VPS13A: variants seen among roughly 807,000 people sequenced by gnomAD.
VPS13A encodes the protein intermembrane lipid transfer protein VPS13A.
In VPS13A, 264 loss-of-function variants were observed where a neutral mutation model predicts 390.9. The ratio of observed to expected loss-of-function variants is 0.68; its 90% CI spans 0.61 to 0.75. The LOEUF is 0.75. Among genes scored for constraint, VPS13A ranks in the 30% least tolerant of loss-of-function variants. The pLI is 0.00. For synonymous variants in VPS13A, 1,231 were observed against 1,227.1 expected (o/e 1.00, Z -0.07); for missense variants, 3,409 against 3,733.9 (o/e 0.91, Z 2.27).
At chr9:77,203,685 T>C (rs1825466774) in intron 3 of VPS13A, among the ~76,000 whole-genome samples, 1 of 152,254 alleles carries the variant, frequency 6.6e-6, no homozygotes, top group Non-Finnish European at 1.5e-5. Flanking sequence ...TTTGTCCTTT[T>C]GTTCATTTAC....
intron 1 of VPS13A, among the ~76,000 whole-genome samples, chr9:77,189,515 A>G (rs1420443591): frequency 6.6e-6 from 1 of 152,066 alleles, no homozygotes; most frequent in African/African-American, 2.4e-5. Context: ...CTTTTAGTAT[A>G]GGTTGAAGTC....
At chr9:77,186,440 G>T (rs1243143852) in intron 1 of VPS13A, among the ~76,000 whole-genome samples, 1 of 151,460 alleles carries the variant, frequency 6.6e-6, no homozygotes, top group Admixed American at 6.6e-5. Flanking sequence ...TTATTTATTT[G>T]TTTTTTTTAA....
chr9:77,398,149 A>T (rs560860659), intron 68 of VPS13A, among the ~76,000 whole-genome samples: 7 of 152,158 alleles, frequency 4.6e-5, no homozygotes, highest in African/African-American at 1.7e-4. Flanking sequence ...TTTTGACACT[A>T]AATTATTTGA....
intron 33 of VPS13A, among the ~76,000 whole-genome samples, chr9:77,301,556 A>C (rs1455685904): frequency 1.3e-5 from 2 of 152,168 alleles, no homozygotes; most frequent in Non-Finnish European, 2.9e-5. Context: ...TGATTGCCAA[A>C]ATTCTACAGT....
intron 10 of VPS13A, among the ~76,000 whole-genome samples, chr9:77,215,872 C>T (rs1205566301): frequency 6.6e-6 from 1 of 152,198 alleles, no homozygotes; most frequent in Admixed American, 6.5e-5. Flanking sequence ...GGAGGGGTGT[C>T]TCTCTGAATG....
intron 34 of VPS13A, among the ~76,000 whole-genome samples, chr9:77,305,885 T>A (rs1013212952): frequency 3.3e-5 from 5 of 152,196 alleles, no homozygotes; most frequent in Non-Finnish European, 7.4e-5. Flanking sequence ...ATACTGCAGA[T>A]CAGCAGCCCC....
chr9:77,206,091 A>C lies in VPS13A; in HGVS notation c.385+12A>C. The C allele has an allele frequency of 6.7e-7, 1 of 1,493,104 alleles. No homozygotes were observed. Among genetic ancestry groups the C allele is most frequent in the Non-Finnish European group, 9.1e-7 (1 of 1,102,240 alleles). The allele number at this position is 1,493,104 out of a possible 1,614,324, so 92.5% of individuals were successfully genotyped here. ...AGTAGTTGATCAAGGTAAAGAAAAC[A>C]GTAAATAACAATGCTAATAAGAGAA... On this transcript the variant is annotated intron_variant, in intron 5 of 71. Coordinates refer to ENST00000360280, the MANE Select transcript of VPS13A (RefSeq NM_033305.3).
Position 77,371,011 on chromosome 9 carries a change from CTT to C in VPS13A, c.8954-10_8954-9del, listed in dbSNP as rs761096914. 7 of 1,614,044 alleles carry C rather than the reference CTT, an allele frequency of 4.3e-6. No individual in the cohort carries two copies. Among genetic ancestry groups the C allele is most frequent in the Non-Finnish European group, 5.9e-6 (7 of 1,179,970 alleles). ...TTCTTGGATGCAATTGTCAAAAACT[CTT>C]TTTTCTTTCCAGGAGCTCAAAAAGG... On this transcript the variant is annotated splice_polypyrimidine_tract_variant and intron_variant, in intron 66 of 71. Coordinates refer to ENST00000360280, the MANE Select transcript of VPS13A (RefSeq NM_033305.3).
intron 1 of VPS13A, among the ~76,000 whole-genome samples, chr9:77,181,293 A>G (rs1824000370): frequency 6.6e-6 from 1 of 151,862 alleles, no homozygotes; most frequent in Non-Finnish European, 1.5e-5. Context: ...GAGACTGGGG[A>G]GGGTGGATCA....
At chr9:77,302,439 C>G (rs1259535473) in intron 33 of VPS13A, among the ~76,000 whole-genome samples, 2 of 128,430 alleles carry the variant, frequency 1.6e-5, no homozygotes, top group Non-Finnish European at 3.1e-5. Context: ...GTGGTGCGAT[C>G]TCGGCTCACT....
intron 17 of VPS13A, among the ~76,000 whole-genome samples, chr9:77,230,887 G>A (rs1470180079): frequency 6.6e-6 from 1 of 151,982 alleles, no homozygotes; most frequent in Admixed American, 6.5e-5. Context: ...ATGCACATTG[G>A]ATATCTTTTC....
Position 77,351,378 on chromosome 9 carries a change from G to A in VPS13A, c.7351G>A (p.Asp2451Asn). 1 of 1,614,036 alleles carries A rather than the reference G, an allele frequency of 6.2e-7. No individual in the cohort carries two copies. Among genetic ancestry groups the A allele is most frequent in the Non-Finnish European group, 8.5e-7 (1 of 1,179,956 alleles). The change falls in exon 53 of 72, where the codon GAT (aspartate) becomes AAT (asparagine). Residue 2451 changes from aspartate to asparagine, a missense_variant. Around this residue, in one of 5 missense-constraint regions of VPS13A, gnomAD observed 2,717 missense variants for 2,917.4 expected, o/e 0.93. Transcript: ENST00000360280. ...TAAAGCCGTGTTTTATACATGGGCT[G>A]ATCCGGTGGGCTCTAGAAGGCTGAA... ...PGKAVFYTWA[D>N]PVGSRRLKWR...
chr9:77,239,086 G>A (rs931231880), intron 19 of VPS13A, among the ~76,000 whole-genome samples: 9 of 148,502 alleles, frequency 6.1e-5, no homozygotes, highest in African/African-American at 2.2e-4. Flanking sequence ...TTCCCCTTTT[G>A]TCACCTTGTT....
rs775740043 is a variant in VPS13A at position 77,238,425 on chromosome 9, A to G, written c.1900+39A>G. The G allele has an allele frequency of 5.7e-6, 8 of 1,404,762 alleles. No homozygotes were observed. The Admixed American group carries it at 6.7e-5, about 12-fold the overall frequency. 87.0% of individuals were successfully genotyped at this position (1,404,762 alleles called of 1,614,324 possible). A position where few individuals can be genotyped will look rare whatever the true frequency, so the allele number is the denominator to read the frequency against. On this transcript the variant is annotated intron_variant, in intron 19 of 71. Coordinates refer to ENST00000360280, the MANE Select transcript of VPS13A (RefSeq NM_033305.3). ...TTAATGTTGGTGAATTAAATACTGT[A>G]TCCTATATTAAACTTTTATTTATGG... is the stretch of plus-strand genomic sequence containing the variant.
At chr9:77,302,816 TCTG>T (rs1828459974) in intron 33 of VPS13A, 96 bp from the exon 34 acceptor site, 2 of 1,257,712 alleles carry the variant, frequency 1.6e-6, no homozygotes, top group Non-Finnish European at 2.3e-6. Flanking sequence ...ATTATTGATT[TCTG>T]CTATTTGCAT....
rs1169254413 is a variant in VPS13A, at chr9:77,411,660, C to CAAAAAAAAAA, written c.9474+4069_9474+4078dup. ...CCTAGGCAACAGCAAAACTCCATCT[C>CAAAAAAAAAA]AAAAAAAAAAAAAAAAAAAAAAAAA... On this transcript the variant is annotated intron_variant, in intron 71 of 71. Coordinates refer to ENST00000360280, the MANE Select transcript of VPS13A (RefSeq NM_033305.3). Among the ~76,000 whole-genome samples the CAAAAAAAAAA allele has an allele frequency of 3.7e-3, 127 of 33,914 alleles. 13 individuals are homozygous for CAAAAAAAAAA. Among genetic ancestry groups the CAAAAAAAAAA allele is most frequent in the African/African-American group, 0.013 (112 of 8,326 alleles). The allele number at this position is 33,914 out of a possible 152,430, so 22.2% of individuals were successfully genotyped here. A position where few individuals can be genotyped will look rare whatever the true frequency, so the allele number is the denominator to read the frequency against.
intron 4 of VPS13A, among the ~76,000 whole-genome samples, 193 bp downstream of exon 4, chr9:77,205,601 T>C (rs1825593407): frequency 6.7e-6 from 1 of 150,292 alleles, no homozygotes; most frequent in African/African-American, 2.5e-5. Flanking sequence ...TTTATTATTA[T>C]TTTTTTTTAA....
chr9:77,251,184 G>A (rs1299759433), intron 21 of VPS13A, among the ~76,000 whole-genome samples: 3 of 152,154 alleles, frequency 2.0e-5, no homozygotes, highest in Non-Finnish European at 4.4e-5. Context: ...GAAACCCAAA[G>A]GTATAGTGGG....
intron 31 of VPS13A, among the ~76,000 whole-genome samples, chr9:77,291,121 G>A (rs1207956783): frequency 1.3e-5 from 2 of 152,146 alleles, no homozygotes. Context: ...GTGGGCGAGG[G>A]AGCATTATTG....
Sources: allele counts gnomAD v4.1 joint callset (sites outside exome capture counted in the v4.1 genomes callset), GRCh38; gene constraint gnomAD v4.1.1; regional missense constraint gnomAD v4.1.1; transcripts MANE v1.5; gene names NCBI Gene and HGNC (gene_info 2026-07-23, HGNC 2026-07-21).